Variants in ARHGAP31 observed in about 807,000 individuals in gnomAD.
ARHGAP31 encodes the protein Rho GTPase activating protein 31.
A neutral mutation model predicts 113.9 loss-of-function variants in ARHGAP31; 34 were observed. The observed-to-expected ratio is 0.30, with a 90% CI of 0.23 to 0.40. The LOEUF (loss-of-function observed/expected upper bound fraction) is 0.40. Among genes scored for constraint, ARHGAP31 ranks in the 10% least tolerant of loss-of-function variants. ARHGAP31 has a pLI of 1.00. For missense variants in ARHGAP31, 1,548 were observed against 1,767.1 expected, an observed-to-expected ratio of 0.88 and a Z score of 2.22; for synonymous variants, 650 against 684.8, an observed-to-expected ratio of 0.95 and a Z score of 0.79.
At chr3:119,389,678 C>G (rs1300241298) in intron 6 of ARHGAP31, among the ~76,000 whole-genome samples, 1 of 152,198 alleles carries the variant, frequency 6.6e-6, no homozygotes, top group Admixed American at 6.5e-5. Flanking sequence ...GAGGGTCATG[C>G]TCTGCAAAGA....
At position 119,415,569 on chromosome 3, in the gene ARHGAP31, C is replaced by T; in HGVS notation, c.3640C>T (p.Gln1214Ter). Reference sequence around the variant, plus strand: ...CAAGATTCAGTACACCCAGATCCCACAGCCCCTGCCCTCTCAGAGCTCAGG... The same window carrying T: ...CAAGATTCAGTACACCCAGATCCCATAGCCCCTGCCCTCTCAGAGCTCAGG... ...PPKIQYTQIP[Q>*]PLPSQSSGEN... Residue 1214 changes from glutamine (Q) to a stop codon, truncating the protein, a stop_gained, in exon 12 of 12, where the codon CAG becomes TAG. Coordinates refer to ENST00000264245, the MANE Select transcript of ARHGAP31 (RefSeq NM_020754.4). LOFTEE classifies it high-confidence loss of function. 1.2e-6 allele frequency: 2 copies of T among 1,614,170 alleles called. No individual in the cohort carries two copies. The highest frequency in any genetic ancestry group is 1.7e-6 in the Non-Finnish European group (2 of 1,180,028).
rs541435713 is a variant in ARHGAP31 at position 119,418,247 on chromosome 3, C to T, written c.*1983C>T. On this transcript the variant is annotated 3_prime_UTR_variant, in exon 12 of 12. Coordinates refer to ENST00000264245, the MANE Select transcript of ARHGAP31 (RefSeq NM_020754.4). ...CTCATTGGGTGAGGAAGACATTGAA[C>T]CAACAGCCAACGAGATATGAACCTG... 6.6e-6 allele frequency: 1 copy of T among 152,174 alleles called. No individual in the cohort carries two copies. Among genetic ancestry groups the T allele is most frequent in the South Asian group, 2.1e-4 (1 of 4,814 alleles). 9.4% of individuals were successfully genotyped at this position (152,174 alleles called of 1,614,324 possible).
Position 119,416,682 on chromosome 3 carries a change from A to G in ARHGAP31, c.*418A>G, listed in dbSNP as rs1266003407. ...CTGTGTCAAACCTCAAAATGTTGCT[A>G]TTGGGGTTAGAAGGCCTCCTCTTTA... On this transcript the variant is annotated 3_prime_UTR_variant, in exon 12 of 12. Transcript: ENST00000264245. The G allele has an allele frequency of 7.1e-6, 2 of 283,102 alleles. No individual in the cohort carries two copies. The highest frequency in any genetic ancestry group is 5.0e-5 in the Admixed American group (1 of 20,140). 17.5% of individuals were successfully genotyped at this position (283,102 alleles called of 1,614,324 possible). A position where few individuals can be genotyped will look rare whatever the true frequency, so the allele number is the denominator to read the frequency against.
At chr3:119,390,716 G>A in intron 6 of ARHGAP31, 69 bp from the exon 7 acceptor site, 6 of 1,517,220 alleles carry the variant, frequency 4.0e-6, no homozygotes, top group Non-Finnish European at 5.4e-6. Flanking sequence ...AGGGACTGTG[G>A]ATGGGGAATC....
chr3:119,339,304 G>C (rs1384484785), intron 1 of ARHGAP31, among the ~76,000 whole-genome samples: 1 of 152,124 alleles, frequency 6.6e-6, no homozygotes, highest in African/African-American at 2.4e-5. Context: ...AAATCAAAGA[G>C]ATCTTATAAA....
Position 119,414,943 on chromosome 3 carries a change from G to C in ARHGAP31, c.3014G>C (p.Arg1005Thr), listed in dbSNP as rs772085379. ...EITGWDEKAL[R>T]SFREFSGLKG... ...ACTGGATGGGATGAGAAAGCCCTGA[G>C]GTCCTTCAGAGAGTTCTCTGGCCTG... Residue 1005 changes from arginine to threonine, a missense_variant, in exon 12 of 12, where the codon AGG (arginine) becomes ACG (threonine). Physicochemically the swap from Arg to Thr is moderately conservative, Grantham distance 71 (BLOSUM62 -1). Transcript: ENST00000264245. 14 of 1,614,092 alleles carry C rather than the reference G, an allele frequency of 8.7e-6. No individual in the cohort carries two copies. In the East Asian group the frequency reaches 3.1e-4, roughly 36 times the overall value.
intron 1 of ARHGAP31, among the ~76,000 whole-genome samples, chr3:119,324,717 G>A (rs1471965990): frequency 6.6e-6 from 1 of 152,206 alleles, no homozygotes; most frequent in Non-Finnish European, 1.5e-5. Context: ...ACAAAGAGTG[G>A]GGAGAGGAGT....
chr3:119,308,628 T>C (rs7644570), intron 1 of ARHGAP31, among the ~76,000 whole-genome samples: 64,093 of 152,070 alleles, frequency 0.42, 13,727 homozygotes, highest in South Asian at 0.46. Flanking sequence ...ACACTATCCC[T>C]ATCTCAAGGT....
Position 119,416,116 on chromosome 3 carries a change from CAT to C in ARHGAP31, c.4188_4189del (p.Trp1397GlyfsTer9). The C allele has an allele frequency of 6.2e-7, 1 of 1,614,192 alleles. No homozygotes were observed. The highest frequency in any genetic ancestry group is 8.5e-7 in the Non-Finnish European group (1 of 1,180,040). ...CTTTGTGGAGAGTTGGCAGAAAACA[CAT>C]GGGTCACACCAGAAGGGGTTACACT... On this transcript the variant is annotated frameshift_variant, in exon 12 of 12. Transcript: ENST00000264245. LOFTEE classifies it high-confidence loss of function.
intron 1 of ARHGAP31, among the ~76,000 whole-genome samples, chr3:119,354,203 G>A (rs1428340521): frequency 6.6e-6 from 1 of 152,184 alleles, no homozygotes; most frequent in Non-Finnish European, 1.5e-5. Context: ...AAATATTTCT[G>A]CTTCACAAGG....
chr3:119,334,615 T>G (rs878808), intron 1 of ARHGAP31, among the ~76,000 whole-genome samples: 22,261 of 152,170 alleles, frequency 0.15, 2,780 homozygotes, highest in African/African-American at 0.34. Context: ...TAATTTCATC[T>G]GCATGATAGG....
At chr3:119,335,755 G>A (rs1411052001) in intron 1 of ARHGAP31, among the ~76,000 whole-genome samples, 3 of 152,224 alleles carry the variant, frequency 2.0e-5, no homozygotes, top group African/African-American at 7.2e-5. Context: ...TGGTTTTGGG[G>A]TTGGAAAGAG....
intron 1 of ARHGAP31, among the ~76,000 whole-genome samples, chr3:119,331,727 G>A (rs888971177): frequency 6.6e-6 from 1 of 152,316 alleles, no homozygotes; most frequent in Non-Finnish European, 1.5e-5. Context: ...GATAAAATAT[G>A]ATTTAACAAG....
intron 11 of ARHGAP31, 152 bp downstream of exon 11, chr3:119,409,928 T>C: frequency 1.2e-6 from 1 of 834,768 alleles, no homozygotes; most frequent in Non-Finnish European, 1.8e-6. Flanking sequence ...AATGAAGGTC[T>C]GAGATTTGTT....
chr3:119,357,172 G>A (rs2080165681), intron 1 of ARHGAP31, among the ~76,000 whole-genome samples: 1 of 152,220 alleles, frequency 6.6e-6, no homozygotes, highest in South Asian at 2.1e-4. Context: ...CACAAAGGGA[G>A]GAGGCACAGG....
At chr3:119,407,367 GAAAAAAAAAAT>G (rs1319505125) in intron 10 of ARHGAP31, among the ~76,000 whole-genome samples, 415 of 130,404 alleles carry the variant, frequency 3.2e-3, no homozygotes, top group African/African-American at 0.011. Flanking sequence ...AAGAAAGAAA[GAAAAAAAAAAT>G]AAAGAAAAAA....
intron 6 of ARHGAP31, among the ~76,000 whole-genome samples, chr3:119,384,117 A>G (rs1373321433): frequency 6.6e-6 from 1 of 152,228 alleles, no homozygotes; most frequent in African/African-American, 2.4e-5. Flanking sequence ...AGCTGATCAA[A>G]GAACTCCTTT....
chr3:119,331,483 C>A (rs556318794), intron 1 of ARHGAP31, among the ~76,000 whole-genome samples: 19 of 152,190 alleles, frequency 1.2e-4, no homozygotes, highest in African/African-American at 4.6e-4. Flanking sequence ...AAAAATAAAA[C>A]TCTGACTCCA....
rs1030445690 is a variant in ARHGAP31, at chr3:119,415,487, G to A, written c.3558G>A (p.Val1186=). ...CAGCTCCTGTGAGTGTGTCAGCTGT[G>A]AGAACCTCCTTCATGGTCAAAATGT... ...RNSAPVSVSA[V]RTSFMVKMCQ... Residue 1186 remains valine (V), a synonymous_variant, in exon 12 of 12, where the codon GTG becomes GTA. Transcript: ENST00000264245. 6.2e-6 allele frequency: 10 copies of A among 1,613,920 alleles called. No homozygotes were observed. The African/African-American group carries it at 1.3e-4, about 22-fold the overall frequency.
Sources: gnomAD v4.1 joint callset for allele counts (sites outside exome capture counted in the v4.1 genomes callset) on GRCh38, gnomAD v4.1.1 for gene constraint, MANE v1.5 for transcripts, NCBI Gene and HGNC (gene_info 2026-07-23, HGNC 2026-07-21) for gene names.